Variants in AP3D1 observed in about 807,000 individuals in gnomAD.
The protein encoded by AP3D1 is AP-3 complex subunit delta-1.
Under a neutral mutation model 147.6 loss-of-function variants are expected in AP3D1, and 51 were observed. The observed-to-expected ratio is 0.35, with a 90% CI of 0.28 to 0.44. The LOEUF (loss-of-function observed/expected upper bound fraction) is 0.44, where lower values mean the gene tolerates loss of function less well. Ranked by LOEUF, AP3D1 falls within the 20% of genes least tolerant of loss-of-function variation. The probability of loss-of-function intolerance (pLI) is 1.00; values close to 1 mark genes in which losing one functional copy is unlikely to be tolerated. For missense variants in AP3D1, 1,421 were observed against 1,624.2 expected, an observed-to-expected ratio of 0.87 and a Z score of 2.15; for synonymous variants, 760 against 663.0, an observed-to-expected ratio of 1.15 and a Z score of -2.25.
chr19:2,123,325 G>A lies in AP3D1; in HGVS notation c.955+33C>T, dbSNP rs372437279. On this transcript the variant is annotated intron_variant, in intron 11 of 31. Transcript: ENST00000643116. The stretch of plus-strand genomic sequence containing the variant: ...CCTAACTTCACAGAGCTGGGGACAC[G>A]AAAATGACAGCACTGGGGAGGGGAT... 46 of 1,610,268 alleles carry A rather than the reference G, an allele frequency of 2.9e-5. No individual in the cohort carries two copies. The Middle Eastern group carries it at 5.0e-4, about 17-fold the overall frequency.
At chr19:2,153,253 A>T (rs1174978480), upstream of AP3D1, among the ~76,000 whole-genome samples, 1 of 151,698 alleles carries the variant, frequency 6.6e-6, no homozygotes, top group Non-Finnish European at 1.5e-5. Context: ...GGGCACCTGT[A>T]ATTCCAGCCA....
rs2017975696 is a variant in AP3D1 at position 2,102,254 on chromosome 19, G to A, written c.3567C>T (p.Val1189=). The change falls in exon 32 of 32, where the codon GTC becomes GTT. Residue 1189 remains valine, a synonymous_variant. Coordinates refer to ENST00000643116, the MANE Select transcript of AP3D1 (RefSeq NM_001261826.3). The part of the protein sequence containing the change: ...CLLVKKGENS[V]SVDGKCSDST... ...AGTCACTGCACTTCCCGTCGACTGA[G>A]ACAGAGTTCTCACCCTGTGTAAGGA... 1 of 1,613,588 alleles carries A rather than the reference G, an allele frequency of 6.2e-7. No homozygotes were observed. The highest frequency in any genetic ancestry group is 1.7e-4 in the Middle Eastern group (1 of 6,060).
intron 31 of AP3D1, among the ~76,000 whole-genome samples, chr19:2,103,105 T>C (rs2018004716): frequency 1.3e-5 from 2 of 152,140 alleles, no homozygotes; most frequent in Admixed American, 1.3e-4. Context: ...GCCTGGGCGA[T>C]AAGAGTGAGT....
intron 31 of AP3D1, 68 bp downstream of exon 31, chr19:2,108,619 T>C: frequency 6.9e-7 from 1 of 1,449,406 alleles, no homozygotes; most frequent in Non-Finnish European, 9.5e-7. Flanking sequence ...CCTCTGGGGA[T>C]GAAGGCCTGG....
intron 1 of AP3D1, among the ~76,000 whole-genome samples, chr19:2,163,643 C>T (rs968973270): frequency 6.6e-6 from 1 of 152,144 alleles, no homozygotes; most frequent in African/African-American, 2.4e-5. Context: ...CCGGCGTCCT[C>T]CTCCTGGGAC....
At chr19:2,102,739 A>G (rs959851135) in intron 31 of AP3D1, among the ~76,000 whole-genome samples, 45 of 85,630 alleles carry the variant, frequency 5.3e-4, no homozygotes, top group Non-Finnish European at 1.1e-3. Context: ...AAATAAATAA[A>G]TAAATAAATA....
chr19:2,115,954 A>C (rs940823286), intron 18 of AP3D1, among the ~76,000 whole-genome samples: 1 of 152,264 alleles, frequency 6.6e-6, no homozygotes, highest in African/African-American at 2.4e-5. Context: ...CAGGTTGCCC[A>C]CGACCGTGGG....
intron 8 of AP3D1, among the ~76,000 whole-genome samples, chr19:2,127,981 G>C (rs748997060): frequency 2.0e-5 from 3 of 152,234 alleles, no homozygotes; most frequent in African/African-American, 7.2e-5. Flanking sequence ...AGTGAAGTCC[G>C]TGTGCGCGTA....
intron 16 of AP3D1, 168 bp from the exon 17 acceptor site, chr19:2,116,914 C>T (rs1020115670): frequency 4.2e-5 from 41 of 987,152 alleles, no homozygotes; most frequent in Admixed American, 6.5e-5. Context: ...CTTAAGAGGA[C>T]GCAGGGACCC....
intron 1 of AP3D1, among the ~76,000 whole-genome samples, chr19:2,156,926 A>G (rs1019729008): frequency 4.6e-4 from 36 of 78,062 alleles, no homozygotes; most frequent in Non-Finnish European, 3.1e-4. Flanking sequence ...CTATCCACCC[A>G]CCCATCTATC....
rs2018382097 is a variant in AP3D1, at chr19:2,114,450, C to T, written c.2424-148G>A. 3 of 726,526 alleles carry T rather than the reference C, an allele frequency of 4.1e-6. No individual in the cohort carries two copies. The Admixed American group carries it at 8.5e-5, about 21-fold the overall frequency. The allele number at this position is 726,526 out of a possible 1,614,324, so 45.0% of individuals were successfully genotyped here. On this transcript the variant is annotated intron_variant, in intron 21 of 31. Transcript: ENST00000643116. ...CATGGCCCAACATAGATCTACTCAA[C>T]ACAGCCTGCTGGAGGCTCTCATGGG... is the stretch of plus-strand genomic sequence containing the variant.
chr19:2,130,644 G>A (rs570586352), intron 5 of AP3D1, 107 bp from the exon 6 acceptor site: 89 of 1,515,536 alleles, frequency 5.9e-5, no homozygotes, highest in Admixed American at 2.3e-4. Context: ...CCAGCCCGAC[G>A]CTGTGGCTGC....
intron 1 of AP3D1, among the ~76,000 whole-genome samples, chr19:2,141,745 T>A (rs544616809): frequency 6.6e-6 from 1 of 151,376 alleles, no homozygotes; most frequent in African/African-American, 2.4e-5. Flanking sequence ...CGGCCTTTTT[T>A]TTTTCTTTTA....
intron 15 of AP3D1, among the ~76,000 whole-genome samples, chr19:2,118,221 C>T (rs1309368555): frequency 1.3e-5 from 2 of 152,156 alleles, no homozygotes; most frequent in Non-Finnish European, 2.9e-5. Context: ...TGGTGGGCAC[C>T]GCCTGGCACA....
intron 24 of AP3D1, 44 bp from the exon 25 acceptor site, chr19:2,111,872 G>A (rs754278669): frequency 1.2e-6 from 2 of 1,609,540 alleles, no homozygotes; most frequent in Admixed American, 3.3e-5. Context: ...GGCTGCTCCA[G>A]CACGCCCCCA....
chr19:2,151,649 C>G (rs954603535), upstream of AP3D1: 5 of 153,160 alleles, frequency 3.3e-5, no homozygotes, highest in African/African-American at 1.2e-4. Context: ...CCCGCCACCT[C>G]CCCGGCAGGG....
intron 15 of AP3D1, 108 bp from the exon 16 acceptor site, chr19:2,117,475 T>G: frequency 8.1e-7 from 1 of 1,235,730 alleles, no homozygotes; most frequent in Non-Finnish European, 1.1e-6. Context: ...GTGGGCCCCC[T>G]GGTACAGCCA....
chr19:2,132,804 G>C (rs2018984700), intron 4 of AP3D1, among the ~76,000 whole-genome samples: 2 of 152,226 alleles, frequency 1.3e-5, no homozygotes, highest in African/African-American at 4.8e-5. Flanking sequence ...GTCACCAAGA[G>C]AGGAGCCGGG....
chr19:2,122,603 T>A (rs1302126104), intron 11 of AP3D1, among the ~76,000 whole-genome samples: 1 of 152,212 alleles, frequency 6.6e-6, no homozygotes, highest in African/African-American at 2.4e-5. Context: ...AGTGTGTACA[T>A]TAGGCACAAT....
Sources: allele counts gnomAD v4.1 joint callset (sites outside exome capture counted in the v4.1 genomes callset), GRCh38; gene constraint gnomAD v4.1.1; transcripts MANE v1.5; gene names NCBI Gene and HGNC (gene_info 2026-07-23, HGNC 2026-07-21).